Variants in PPP3CC observed in about 807,000 individuals in gnomAD.
The protein encoded by PPP3CC is serine/threonine-protein phosphatase 2B catalytic subunit gamma isoform.
A neutral mutation model predicts 60.3 loss-of-function variants in PPP3CC; 35 were observed. The observed-to-expected ratio is 0.58, with a 90% CI of 0.44 to 0.77. The LOEUF (loss-of-function observed/expected upper bound fraction) is 0.77, where lower values mean the gene tolerates loss of function less well. Among genes scored for constraint, PPP3CC ranks in the 30% least tolerant of loss-of-function variants. The probability of loss-of-function intolerance (pLI) is 0.00; values close to 1 mark genes in which losing one functional copy is unlikely to be tolerated. For missense variants in PPP3CC, 570 were observed against 628.9 expected (o/e 0.91, Z 1.00); for synonymous variants, 206 against 224.3 (o/e 0.92, Z 0.73).
intron 3 of PPP3CC, among the ~76,000 whole-genome samples, chr8:22,489,783 A>G (rs1409302739): frequency 7.0e-6 from 1 of 143,482 alleles, no homozygotes; most frequent in East Asian, 2.0e-4. Context: ...TTATATATAT[A>G]GTAAGTATAT....
chr8:22,481,275 C>T (rs1261803909), intron 3 of PPP3CC, among the ~76,000 whole-genome samples: 1 of 151,764 alleles, frequency 6.6e-6, no homozygotes, highest in Non-Finnish European at 1.5e-5. Context: ...GCAGAGGTTG[C>T]AGTGAGCCAA....
intron 8 of PPP3CC, among the ~76,000 whole-genome samples, chr8:22,525,520 TTCTTTCTTTCTTTCTTTCTCTCCC>T (rs1172158995): frequency 8.2e-4 from 85 of 104,026 alleles, no homozygotes; most frequent in East Asian, 8.1e-3. Context: ...CTTTCTTTCT[TTCTTTCTTTCTTTCTTTCTCTCCC>T]TCTCTCTCTC....
intron 8 of PPP3CC, 141 bp downstream of exon 8, chr8:22,522,890 G>A (rs1839446132): frequency 1.7e-6 from 1 of 604,652 alleles, no homozygotes; most frequent in Non-Finnish European, 2.7e-6. Context: ...TTGAAACAAA[G>A]GCCAAGAAAT....
At chr8:22,454,923 G>C (rs1033714513) in intron 1 of PPP3CC, among the ~76,000 whole-genome samples, 1 of 151,896 alleles carries the variant, frequency 6.6e-6, no homozygotes, top group African/African-American at 2.4e-5. Flanking sequence ...GGGCGCGGTG[G>C]TGGACACCTG....
At chr8:22,445,991 C>T (rs1199326366) in intron 1 of PPP3CC, among the ~76,000 whole-genome samples, 7 of 152,068 alleles carry the variant, frequency 4.6e-5, no homozygotes, top group African/African-American at 9.7e-5. Flanking sequence ...CTTACCTATA[C>T]GTTATTGGTT....
intron 3 of PPP3CC, among the ~76,000 whole-genome samples, chr8:22,485,676 C>G (rs1838202837): frequency 6.6e-6 from 1 of 152,064 alleles, no homozygotes; most frequent in African/African-American, 2.4e-5. Context: ...CCAAGTATGT[C>G]AAAGTCAAAT....
In PPP3CC at chr8:22,455,709, A is replaced by T. The variant is rs373492924; in HGVS notation, c.49+14251A>T. ...TTACTTAGTTGGTTCTAGGAGGGCC[A>T]GTTTTTAGCTAATACTTTGAAAGTG... On this transcript the variant is annotated intron_variant, in intron 1 of 13. Transcript: ENST00000240139. Among the ~76,000 whole-genome samples, 48 of 152,348 alleles carry T rather than the reference A, an allele frequency of 3.2e-4. No individual in the cohort carries two copies. In the East Asian group the frequency reaches 7.7e-3, roughly 24 times the overall value.
intron 3 of PPP3CC, among the ~76,000 whole-genome samples, chr8:22,489,666 A>ATATAAGTATATATTATG (rs1838326426): frequency 7.1e-6 from 1 of 140,222 alleles, no homozygotes; most frequent in Non-Finnish European, 1.5e-5. Context: ...TATATATTAT[A>ATATAAGTATATATTATG]TATAAGTATA....
intron 1 of PPP3CC, among the ~76,000 whole-genome samples, chr8:22,457,918 C>A (rs983666432): frequency 6.6e-6 from 1 of 151,910 alleles, no homozygotes; most frequent in Non-Finnish European, 1.5e-5. Context: ...ACGGTGAAAC[C>A]CCGTCTCTAC....
chr8:22,441,847 C>T (rs558194596), intron 1 of PPP3CC, among the ~76,000 whole-genome samples: 101 of 151,782 alleles, frequency 6.7e-4, no homozygotes, highest in African/African-American at 2.4e-3. Context: ...TCTTTCTTGA[C>T]GTCCGCCCCC....
intron 1 of PPP3CC, among the ~76,000 whole-genome samples, chr8:22,442,532 A>C (rs138694760): frequency 1.3e-5 from 2 of 152,176 alleles, no homozygotes; most frequent in African/African-American, 4.8e-5. Flanking sequence ...TCTCTCCCCA[A>C]ATCAGCCTCA....
intron 3 of PPP3CC, among the ~76,000 whole-genome samples, chr8:22,496,529 G>A (rs1339770083): frequency 3.2e-5 from 2 of 62,940 alleles, no homozygotes; most frequent in South Asian, 6.7e-4. Context: ...ACAGAGTCTC[G>A]CTCTGTCACC....
At chr8:22,530,298 T>C (rs1381832397) in intron 10 of PPP3CC, among the ~76,000 whole-genome samples, 1 of 151,720 alleles carries the variant, frequency 6.6e-6, no homozygotes, top group Non-Finnish European at 1.5e-5. Flanking sequence ...CTACTAAAAA[T>C]GCAGAAATCA....
chr8:22,446,833 G>T (rs75545506), intron 1 of PPP3CC, among the ~76,000 whole-genome samples: 18 of 122,844 alleles, frequency 1.5e-4, no homozygotes, highest in Admixed American at 3.3e-4. Flanking sequence ...AAAAAAAAAA[G>T]CTGATTTTTA....
chr8:22,483,499 G>A (rs1227329557), intron 3 of PPP3CC, among the ~76,000 whole-genome samples: 1 of 152,148 alleles, frequency 6.6e-6, no homozygotes, highest in Non-Finnish European at 1.5e-5. Flanking sequence ...TGTTAGCCAG[G>A]ATGGTCACGA....
At position 22,474,778 on chromosome 8, in the gene PPP3CC, C is replaced by G. The variant is rs572763611; in HGVS notation, c.50-176C>G. On this transcript the variant is annotated intron_variant, in intron 1 of 13. Transcript: ENST00000240139. Reference sequence around the variant, plus strand: ...TTAAAATGACTGTCACCTTTTTATACTTAGAATTGATCATTTATGATACAT... The same window carrying G: ...TTAAAATGACTGTCACCTTTTTATAGTTAGAATTGATCATTTATGATACAT... Among the ~76,000 whole-genome samples the G allele has an allele frequency of 5.9e-5, 9 of 152,190 alleles. No individual in the cohort carries two copies. The East Asian group carries it at 1.7e-3, about 29-fold the overall frequency.
chr8:22,446,371 A>T (rs1329817794), intron 1 of PPP3CC, among the ~76,000 whole-genome samples: 1 of 152,222 alleles, frequency 6.6e-6, no homozygotes, highest in Non-Finnish European at 1.5e-5. Context: ...TAACATACTA[A>T]TCACATCTTA....
chr8:22,495,255 T>C (rs1024101496), intron 3 of PPP3CC, among the ~76,000 whole-genome samples: 7 of 152,204 alleles, frequency 4.6e-5, no homozygotes, highest in Admixed American at 6.5e-5. Flanking sequence ...AGCCATACTT[T>C]GCTTTTTTCA....
chr8:22,532,088 G>A (rs1839731220), intron 10 of PPP3CC, 137 bp from the exon 11 acceptor site: 3 of 552,932 alleles, frequency 5.4e-6, no homozygotes, highest in Non-Finnish European at 3.1e-6. Context: ...ATTTTTGTTT[G>A]TTTAAACAAA....
Sources: allele counts gnomAD v4.1 joint callset (sites outside exome capture counted in the v4.1 genomes callset), GRCh38; gene constraint gnomAD v4.1.1; transcripts MANE v1.5; gene names NCBI Gene and HGNC (gene_info 2026-07-23, HGNC 2026-07-21).